The following NOTCH2NLA variants were observed in gnomAD, a reference collection of about 807,000 sequenced individuals.
NOTCH2NLA encodes notch 2 N-terminal like A.
Position 146,200,439 on chromosome 1 carries a change from AT to A in NOTCH2NLA, c.-44-11059del, listed in dbSNP as rs1338239829. On this transcript the variant is annotated intron_variant, in intron 1 of 4. Transcript: ENST00000362074. ...CTCTGCCTGAGAAAAAAAAAAAAAA[AT>A]ATATATATATATATATATTCCTGAA... Among the ~76,000 whole-genome samples, 30 of 19,352 alleles carry A rather than the reference AT, an allele frequency of 1.6e-3. 6 individuals are homozygous for A. Among genetic ancestry groups the A allele is most frequent in the South Asian group, 8.7e-3 (6 of 690 alleles). 12.7% of individuals were successfully genotyped at this position (19,352 alleles called of 152,430 possible).
At chr1:146,159,281 C>A (rs1553803650) in intron 3 of NOTCH2NLA, among the ~76,000 whole-genome samples, 2 of 150,346 alleles carry the variant, frequency 1.3e-5, no homozygotes, top group African/African-American at 4.9e-5. Flanking sequence ...TCACTCGAAC[C>A]CAAGAGGTGG....
At chr1:146,158,362 G>A (rs2102269131) in intron 3 of NOTCH2NLA, among the ~76,000 whole-genome samples, 1 of 150,018 alleles carries the variant, frequency 6.7e-6, no homozygotes, top group East Asian at 2.0e-4. Flanking sequence ...TCCCCTTCCT[G>A]TGTCCAAGTG....
At chr1:146,176,679 C>A (rs375397629) in intron 2 of NOTCH2NLA, among the ~76,000 whole-genome samples, 2,395 of 126,564 alleles carry the variant, frequency 0.019, 269 homozygotes, top group Non-Finnish European at 0.028. Flanking sequence ...TCTGTACACG[C>A]TGTTCAGTCA....
At chr1:146,158,625 T>TA (rs1437804625) in intron 3 of NOTCH2NLA, among the ~76,000 whole-genome samples, 1 of 151,788 alleles carries the variant, frequency 6.6e-6, no homozygotes, top group African/African-American at 2.4e-5. Context: ...GCAATAAACA[T>TA]ACGTGTGCAT....
intron 2 of NOTCH2NLA, among the ~76,000 whole-genome samples, chr1:146,172,584 A>G (rs868908882): frequency 5.3e-5 from 8 of 151,426 alleles, no homozygotes; most frequent in Non-Finnish European, 8.8e-5. Context: ...CCCTTCTGGT[A>G]TATCTCCAAC....
chr1:146,174,400 CTTTT>C (rs1209878010), intron 2 of NOTCH2NLA, among the ~76,000 whole-genome samples: 17 of 95,766 alleles, frequency 1.8e-4, no homozygotes, highest in South Asian at 6.6e-4. Context: ...CTGTCTTTAG[CTTTT>C]TTTTTTTTTT....
chr1:146,185,316 T>C (rs1245610487), intron 2 of NOTCH2NLA, among the ~76,000 whole-genome samples: 1 of 136,048 alleles, frequency 7.4e-6, no homozygotes, highest in African/African-American at 2.5e-5. Flanking sequence ...TGAAAGTGAT[T>C]AATGACATCA....
At chr1:146,174,753 C>A (rs1320733932) in intron 2 of NOTCH2NLA, among the ~76,000 whole-genome samples, 2 of 143,138 alleles carry the variant, frequency 1.4e-5, no homozygotes, top group Non-Finnish European at 3.2e-5. Context: ...GCAGCCTGCC[C>A]TAGCTGAGCT....
At chr1:146,154,052 CACACACAT>C (rs373102991), downstream of NOTCH2NLA, 13 of 99,712 alleles carry the variant, frequency 1.3e-4, no homozygotes, top group East Asian at 1.2e-3. Context: ...CACACACACA[CACACACAT>C]ATTGATATGT....
chr1:146,180,575 C>T (rs76027506), intron 2 of NOTCH2NLA, among the ~76,000 whole-genome samples: 3 of 142,932 alleles, frequency 2.1e-5, no homozygotes, highest in East Asian at 3.9e-4. Context: ...AGAAAATGTG[C>T]GGAAATCCAA....
At chr1:146,159,402 A>AG (rs1661354939) in intron 3 of NOTCH2NLA, among the ~76,000 whole-genome samples, 1 of 112,702 alleles carries the variant, frequency 8.9e-6, no homozygotes, top group African/African-American at 3.6e-5. Flanking sequence ...AGAGAAAGAA[A>AG]GAAAGAAAGA....
chr1:146,195,043 AC>A lies in NOTCH2NLA; in HGVS notation c.-44-5663del, dbSNP rs67156633. ...GGAGGGTTCTGGTCCTCACAGGGCC[AC>A]CCCCCCCCATCCTTGTAACACTCAT... On this transcript the variant is annotated intron_variant, in intron 1 of 4. Transcript: ENST00000362074. Among the ~76,000 whole-genome samples the A allele has an allele frequency of 4.3e-4, 44 of 102,234 alleles. 9 individuals carry two copies. Among genetic ancestry groups the A allele is most frequent in the South Asian group, 1.4e-3 (4 of 2,868 alleles). The allele number at this position is 102,234 out of a possible 152,430, so 67.1% of individuals were successfully genotyped here. A position where few individuals can be genotyped will look rare whatever the true frequency, so the allele number is the denominator to read the frequency against.
At chr1:146,183,516 G>A (rs1662640054) in intron 2 of NOTCH2NLA, among the ~76,000 whole-genome samples, 1 of 118,850 alleles carries the variant, frequency 8.4e-6, no homozygotes, top group South Asian at 2.5e-4. Flanking sequence ...CCAAGCTTCT[G>A]CTATCATTTT....
At chr1:146,174,779 G>A (rs1251744816) in intron 2 of NOTCH2NLA, among the ~76,000 whole-genome samples, 8 of 141,792 alleles carry the variant, frequency 5.6e-5, no homozygotes, top group Non-Finnish European at 1.3e-4. Context: ...GGGGGGAGCT[G>A]TCGTTAAGGT....
At chr1:146,159,966 C>CAAAA (rs782308523) in intron 3 of NOTCH2NLA, among the ~76,000 whole-genome samples, 117 of 7,456 alleles carry the variant, frequency 0.016, 5 homozygotes, top group African/African-American at 0.025. Context: ...TACTCCATCT[C>CAAAA]AAAAAAAAAA....
intron 2 of NOTCH2NLA, among the ~76,000 whole-genome samples, chr1:146,186,939 C>T: frequency 7.4e-6 from 1 of 134,344 alleles, no homozygotes; most frequent in Non-Finnish European, 1.7e-5. Flanking sequence ...CATACATGTG[C>T]CATGGTGGTT....
chr1:146,207,752 C>T (rs1553815329), intron 1 of NOTCH2NLA, among the ~76,000 whole-genome samples: 2 of 79,510 alleles, frequency 2.5e-5, no homozygotes, highest in Admixed American at 1.3e-4. Context: ...GTTTAAAAAA[C>T]AATGGACTAA....
intron 3 of NOTCH2NLA, among the ~76,000 whole-genome samples, chr1:146,159,519 T>C (rs1481991797): frequency 6.6e-6 from 1 of 150,856 alleles, no homozygotes; most frequent in Non-Finnish European, 1.5e-5. Flanking sequence ...ATATATATTA[T>C]GTATAGGCAC....
intron 1 of NOTCH2NLA, among the ~76,000 whole-genome samples, chr1:146,224,063 C>T (rs1185675878): frequency 9.7e-6 from 1 of 102,862 alleles, no homozygotes; most frequent in Non-Finnish European, 2.1e-5. Flanking sequence ...CATCATATTT[C>T]ACCTTTAGTT....
Sources: allele counts gnomAD v4.1 joint callset (sites outside exome capture counted in the v4.1 genomes callset), GRCh38; gene constraint gnomAD v4.1.1; transcripts MANE v1.5; gene names NCBI Gene and HGNC (gene_info 2026-07-23, HGNC 2026-07-21).